NELFB: variants seen among roughly 807,000 people sequenced by gnomAD.
The protein encoded by NELFB is negative elongation factor complex member B.
A neutral mutation model predicts 60.2 loss-of-function variants in NELFB; 34 were observed. The observed-to-expected ratio is 0.56, with a 90% CI of 0.43 to 0.75. NELFB has a LOEUF of 0.75. NELFB is among the 30% of genes least tolerant of loss of function. NELFB has a pLI of 0.00. For missense variants in NELFB, 770 were observed against 831.6 expected (o/e 0.93, Z 0.91); for synonymous variants, 459 against 382.1 (o/e 1.20, Z -2.35).
intron 5 of NELFB, among the ~76,000 whole-genome samples, chr9:137,263,767 C>T (rs776115243): frequency 2.0e-4 from 31 of 152,122 alleles, no homozygotes; most frequent in Admixed American, 3.9e-4. Context: ...GTATGACCTA[C>T]GGGCTGGACC....
At chr9:137,266,506 C>A in intron 8 of NELFB, 80 bp downstream of exon 8, 1 of 1,255,550 alleles carries the variant, frequency 8.0e-7, no homozygotes, top group Non-Finnish European at 1.1e-6. Flanking sequence ...GAGGCGCTAG[C>A]AAGGTGATTG....
intron 5 of NELFB, among the ~76,000 whole-genome samples, chr9:137,263,669 A>C (rs1020089050): frequency 6.6e-6 from 1 of 151,460 alleles, no homozygotes; most frequent in African/African-American, 2.4e-5. Context: ...TGGGGGAAGG[A>C]GGCTAGTCCC....
At position 137,268,227 on chromosome 9, in the gene NELFB, T is replaced by G. The variant is rs117814673; in HGVS notation, c.1489+881T>G. Among the ~76,000 whole-genome samples the G allele has an allele frequency of 2.7e-3, 404 of 152,118 alleles. 4 individuals are homozygous for G. The East Asian group carries it at 0.032, about 12-fold the overall frequency. ...CTTCCTTGCTGACTCAGGCCTTGTC[T>G]GGGGTTTGCTGTCTTAGTCCACGTT... On this transcript the variant is annotated intron_variant, in intron 10 of 12. Coordinates refer to ENST00000343053, the MANE Select transcript of NELFB (RefSeq NM_015456.5).
chr9:137,257,065 A>G lies in NELFB; in HGVS notation c.741+11A>G. On this transcript the variant is annotated intron_variant, in intron 4 of 12. Transcript: ENST00000343053. ...AGGCGCCAGGGCGAGGTGAGGGGACAGGCCGTGTGCGGGGTGGGGCACCTC... is the reference window on the plus strand; with the variant it reads ...AGGCGCCAGGGCGAGGTGAGGGGACGGGCCGTGTGCGGGGTGGGGCACCTC... 6.2e-7 allele frequency: 1 copy of G among 1,607,294 alleles called. No individual in the cohort carries two copies. Among genetic ancestry groups the G allele is most frequent in the Non-Finnish European group, 8.5e-7 (1 of 1,176,222 alleles).
At chr9:137,271,130 C>A (rs1234980510) in intron 10 of NELFB, among the ~76,000 whole-genome samples, 3 of 152,266 alleles carry the variant, frequency 2.0e-5, no homozygotes, top group Admixed American at 1.3e-4. Flanking sequence ...TTGCAGGAAT[C>A]AGGGCATTTG....
At chr9:137,259,047 T>C (rs1393306284) in intron 4 of NELFB, among the ~76,000 whole-genome samples, 1 of 152,042 alleles carries the variant, frequency 6.6e-6, no homozygotes, top group Non-Finnish European at 1.5e-5. Flanking sequence ...AAAATTAAGC[T>C]AAGCATGGTG....
intron 4 of NELFB, among the ~76,000 whole-genome samples, chr9:137,261,369 A>C (rs898421139): frequency 5.4e-5 from 8 of 149,438 alleles, no homozygotes; most frequent in Non-Finnish European, 7.4e-5. Context: ...AAAAAAAAAA[A>C]AAAACTGGGT....
intron 2 of NELFB, 29 bp from the exon 3 acceptor site, chr9:137,256,300 T>C (rs1295489803): frequency 2.5e-6 from 4 of 1,595,968 alleles, no homozygotes; most frequent in Non-Finnish European, 3.4e-6. Context: ...GGCGCATCGC[T>C]GCACCATCAA....
chr9:137,256,480 G>A lies in NELFB; in HGVS notation c.510+52G>A, dbSNP rs113750732. 2.8e-5 allele frequency: 43 copies of A among 1,533,228 alleles called. 1 individual carries two copies. The highest frequency in any genetic ancestry group is 4.3e-4 in the Middle Eastern group (2 of 4,600). 95.0% of individuals were successfully genotyped at this position (1,533,228 alleles called of 1,614,324 possible). Reference sequence around the variant, plus strand: ...GCGTGGACCGTCCGCCCACTCTCATGCCCTTGGTTAGTGGAAGTTCCGGTG... The same window carrying A: ...GCGTGGACCGTCCGCCCACTCTCATACCCTTGGTTAGTGGAAGTTCCGGTG... On this transcript the variant is annotated intron_variant, in intron 3 of 12. Coordinates refer to ENST00000343053, the MANE Select transcript of NELFB (RefSeq NM_015456.5).
chr9:137,256,084 A>G lies in NELFB; in HGVS notation c.410+14A>G, dbSNP rs749348133. On this transcript the variant is annotated intron_variant, in intron 2 of 12. Coordinates refer to ENST00000343053, the MANE Select transcript of NELFB (RefSeq NM_015456.5). ...GGCTGAGGAAAGGTGGGTCAGCGGG[A>G]GGGGTGGGCAGGTGAGATGTGCAGC... The G allele has an allele frequency of 2.6e-5, 41 of 1,604,412 alleles. No homozygotes were observed. The African/African-American group carries it at 5.2e-4, about 20-fold the overall frequency.
Position 137,255,464 on chromosome 9 carries a change from G to A in NELFB, c.99G>A (p.Arg33=). ...TGTCTGCGGCGGCGCCGGGGGAACG[G>A]GCTGGGGATGGGGCGCCTAGCCGGG... The change falls in exon 1 of 13, where the codon CGG becomes CGA. Residue 33 remains arginine, a synonymous_variant. Coordinates refer to ENST00000343053, the MANE Select transcript of NELFB (RefSeq NM_015456.5). 1 of 1,501,714 alleles carries A rather than the reference G, an allele frequency of 6.7e-7. No homozygotes were observed. The highest frequency in any genetic ancestry group is 8.9e-7 in the Non-Finnish European group (1 of 1,122,854). The allele number at this position is 1,501,714 out of a possible 1,614,324, so 93.0% of individuals were successfully genotyped here. A position where few individuals can be genotyped will look rare whatever the true frequency, so the allele number is the denominator to read the frequency against.
Position 137,267,231 on chromosome 9 carries a change from C to G in NELFB, c.1383-9C>G, listed in dbSNP as rs777553601. The G allele has an allele frequency of 6.2e-7, 1 of 1,609,786 alleles. No individual in the cohort carries two copies. The highest frequency in any genetic ancestry group is 8.5e-7 in the Non-Finnish European group (1 of 1,177,588). On this transcript the variant is annotated splice_polypyrimidine_tract_variant and intron_variant, in intron 9 of 12. Coordinates refer to ENST00000343053, the MANE Select transcript of NELFB (RefSeq NM_015456.5). ...GGCTGAGGTGGGGCTGATGGCGCCC[C>G]GGGCGCAGGTTTCTGCAGGAGCAGC...
chr9:137,256,904 C>G lies in NELFB; in HGVS notation c.591C>G (p.Ile197Met). 1 of 1,614,232 alleles carries G rather than the reference C, an allele frequency of 6.2e-7. No individual in the cohort carries two copies. The highest frequency in any genetic ancestry group is 8.5e-7 in the Non-Finnish European group (1 of 1,180,050). ...GCGCCGTGGAGGTGAAGCGGCAGATCTGGCAAGACAACCAGGCCCTCTTCG... is the reference window on the plus strand; with the variant it reads ...GCGCCGTGGAGGTGAAGCGGCAGATGTGGCAAGACAACCAGGCCCTCTTCG... Residue 197 changes from isoleucine to methionine, a missense_variant, in exon 4 of 13, where the codon ATC becomes ATG. Coordinates refer to ENST00000343053, the MANE Select transcript of NELFB (RefSeq NM_015456.5).
intron 4 of NELFB, 63 bp downstream of exon 4, chr9:137,257,117 A>C: frequency 7.0e-7 from 1 of 1,423,772 alleles, no homozygotes; most frequent in Admixed American, 1.8e-5. Context: ...TAGCGCCTTC[A>C]GCTGCCTGGG....
At chr9:137,261,994 AG>A (rs954994575) in intron 4 of NELFB, among the ~76,000 whole-genome samples, 1 of 144,926 alleles carries the variant, frequency 6.9e-6, no homozygotes, top group Admixed American at 7.0e-5. Context: ...AGAGAGAGAG[AG>A]GAGAGAGAGA....
At chr9:137,257,304 T>C (rs1837570659) in intron 4 of NELFB, among the ~76,000 whole-genome samples, 1 of 152,228 alleles carries the variant, frequency 6.6e-6, no homozygotes, top group Non-Finnish European at 1.5e-5. Context: ...AGCCCGCTCA[T>C]GTGAAGTTAA....
chr9:137,259,543 C>T (rs1485901679), intron 4 of NELFB, among the ~76,000 whole-genome samples: 2 of 152,136 alleles, frequency 1.3e-5, no homozygotes, highest in South Asian at 2.1e-4. Flanking sequence ...TCTCCTATCG[C>T]CTGTCTCTTC....
intron 4 of NELFB, among the ~76,000 whole-genome samples, chr9:137,261,051 CA>C (rs947569644): frequency 7.3e-4 from 87 of 119,934 alleles, no homozygotes; most frequent in African/African-American, 2.1e-3. Flanking sequence ...GACTCAGTCG[CA>C]AAAAAAAAAG....
chr9:137,257,962 A>G (rs1412005022), intron 4 of NELFB, among the ~76,000 whole-genome samples: 4 of 151,626 alleles, frequency 2.6e-5, no homozygotes, highest in African/African-American at 7.3e-5. Flanking sequence ...CACTGGGGCT[A>G]CTTAAAAATA....
Sources: allele counts gnomAD v4.1 joint callset (sites outside exome capture counted in the v4.1 genomes callset), GRCh38; gene constraint gnomAD v4.1.1; transcripts MANE v1.5; gene names NCBI Gene and HGNC (gene_info 2026-07-23, HGNC 2026-07-21).